The following NEK10 variants were observed in gnomAD, a reference collection of about 807,000 sequenced individuals.
NEK10 encodes serine/threonine-protein kinase Nek10.
NEK10 carries 122 observed loss-of-function variants against 159.8 expected under a neutral mutation model. The ratio of observed to expected loss-of-function variants is 0.76; its 90% CI spans 0.66 to 0.89. The LOEUF is 0.89. Among genes scored for constraint, NEK10 ranks in the 40% least tolerant of loss-of-function variants. The pLI, the probability that NEK10 is intolerant of heterozygous loss-of-function variation, is 0.00. For synonymous variants in NEK10, 466 were observed against 457.1 expected, an observed-to-expected ratio of 1.02 and a Z score of -0.25; for missense variants, 1,342 against 1,323.1, an observed-to-expected ratio of 1.01 and a Z score of -0.22.
At chr3:27,138,551 G>A (rs961668604) in intron 31 of NEK10, among the ~76,000 whole-genome samples, 7 of 152,050 alleles carry the variant, frequency 4.6e-5, no homozygotes, top group Non-Finnish European at 8.8e-5. Context: ...CCCCTCCCTA[G>A]TAGATAATAC....
chr3:27,112,332 T>A (rs1253684468), intron 35 of NEK10, among the ~76,000 whole-genome samples: 3 of 152,244 alleles, frequency 2.0e-5, no homozygotes, highest in Non-Finnish European at 4.4e-5. Flanking sequence ...TTATCTTGAA[T>A]TAATCCTTTA....
chr3:27,133,713 G>T (rs1458753586), intron 31 of NEK10, among the ~76,000 whole-genome samples: 1 of 152,254 alleles, frequency 6.6e-6, no homozygotes, highest in African/African-American at 2.4e-5. Flanking sequence ...GGTGGAGGTT[G>T]TGGTGAGCTG....
rs892777676 is a variant in NEK10 at position 27,109,181 on chromosome 3, C to A, written c.*2091G>T. ...ATCACCTGAGGTCAGGAGTTTGAGA[C>A]CAGCCTGGCCAACATGGTGTAACCC... On this transcript the variant is annotated 3_prime_UTR_variant, in exon 36 of 36. Coordinates refer to ENST00000691995, the MANE Select transcript of NEK10 (RefSeq NM_001394966.1). Among the ~76,000 whole-genome samples, 5 of 152,110 alleles carry A rather than the reference C, an allele frequency of 3.3e-5. No homozygotes were observed. Among genetic ancestry groups the A allele is most frequent in the African/African-American group, 4.8e-5 (2 of 41,434 alleles).
Position 27,311,111 on chromosome 3 carries a change from G to C in NEK10, c.569-95C>G, listed in dbSNP as rs1035536636. On this transcript the variant is annotated intron_variant, in intron 8 of 35. Transcript: ENST00000691995. ...TCTGCAGTGCATATGGGCAGGCAGAGAAAGGTCAAAGGGAACACAGCACAA... is the reference window on the plus strand; with the variant it reads ...TCTGCAGTGCATATGGGCAGGCAGACAAAGGTCAAAGGGAACACAGCACAA... The C allele has an allele frequency of 1.6e-5, 12 of 761,546 alleles. No homozygotes were observed. In the African/African-American group the frequency reaches 1.9e-4, roughly 12 times the overall value. The allele number at this position is 761,546 out of a possible 1,614,324, so 47.2% of individuals were successfully genotyped here.
chr3:27,336,793 A>G (rs1192191237), intron 5 of NEK10, among the ~76,000 whole-genome samples: 1 of 152,212 alleles, frequency 6.6e-6, no homozygotes, highest in Non-Finnish European at 1.5e-5. Context: ...GATAAAATCC[A>G]ATATCCTTCC....
At chr3:27,147,468 A>G (rs570031641) in intron 30 of NEK10, among the ~76,000 whole-genome samples, 1 of 152,356 alleles carries the variant, frequency 6.6e-6, no homozygotes, top group Non-Finnish European at 1.5e-5. Flanking sequence ...GAATGGCAGG[A>G]AGCTGAGTCA....
At chr3:27,227,617 T>C (rs1575351294) in intron 23 of NEK10, among the ~76,000 whole-genome samples, 1 of 152,076 alleles carries the variant, frequency 6.6e-6, no homozygotes, top group Non-Finnish European at 1.5e-5. Context: ...GCTGAAGGGG[T>C]ACAGGATAAA....
At chr3:27,298,533 G>T (rs531152424) in intron 13 of NEK10, among the ~76,000 whole-genome samples, 1 of 152,308 alleles carries the variant, frequency 6.6e-6, no homozygotes, top group Non-Finnish European at 1.5e-5. Context: ...GGTACCAGTA[G>T]AGTCGGGCTT....
At chr3:27,266,048 A>T (rs2040865505) in intron 22 of NEK10, among the ~76,000 whole-genome samples, 1 of 151,946 alleles carries the variant, frequency 6.6e-6, no homozygotes, top group Non-Finnish European at 1.5e-5. Flanking sequence ...CTCGTGATCC[A>T]CCTGCCTCGG....
chr3:27,233,895 G>A (rs1953601552), intron 23 of NEK10, among the ~76,000 whole-genome samples: 2 of 151,960 alleles, frequency 1.3e-5, no homozygotes, highest in Admixed American at 6.6e-5. Context: ...ACTGAATCCA[G>A]CACCACATCA....
chr3:27,344,601 A>G (rs2047423883), intron 4 of NEK10, among the ~76,000 whole-genome samples: 1 of 152,230 alleles, frequency 6.6e-6, no homozygotes, highest in Admixed American at 6.5e-5. Context: ...TTAAAAATAA[A>G]ATATAGTCAA....
In NEK10 at chr3:27,172,022, G is replaced by C. The variant is rs896598228; in HGVS notation, c.2777-149C>G. The C allele has an allele frequency of 3.3e-5, 29 of 888,836 alleles. 2 individuals are homozygous for C. Among genetic ancestry groups the C allele is most frequent in the South Asian group, 7.2e-5 (4 of 55,344 alleles). The allele number at this position is 888,836 out of a possible 1,614,324, so 55.1% of individuals were successfully genotyped here. ...ACACTGTTGGTGGGACTGTAAATTA[G>C]TGTAGCCATTATGGAAAACAGTATA... On this transcript the variant is annotated intron_variant, in intron 28 of 35. Transcript: ENST00000691995.
Position 27,256,285 on chromosome 3 carries a change from A to G in NEK10, c.2090+11T>C. On this transcript the variant is annotated intron_variant, in intron 23 of 35. Transcript: ENST00000691995. ...TATGATGTTTGAGAGCCATAAAAGA[A>G]TTGTCCTTACCAAGAATACAGGATT... The G allele has an allele frequency of 2.0e-5, 28 of 1,388,704 alleles. No individual in the cohort carries two copies. The highest frequency in any genetic ancestry group is 2.6e-5 in the Non-Finnish European group (27 of 1,026,678). 86.0% of individuals were successfully genotyped at this position (1,388,704 alleles called of 1,614,324 possible).
chr3:27,268,975 A>T (rs1245264278), intron 22 of NEK10, among the ~76,000 whole-genome samples: 2 of 152,228 alleles, frequency 1.3e-5, no homozygotes, highest in African/African-American at 4.8e-5. Context: ...CTTATGGATG[A>T]CTTTGAAGGG....
At chr3:27,150,419 G>C (rs181090241) in intron 30 of NEK10, among the ~76,000 whole-genome samples, 211 of 152,234 alleles carry the variant, frequency 1.4e-3, no homozygotes, top group Non-Finnish European at 2.3e-3. Flanking sequence ...GTAATCTTAG[G>C]TTGAAGCCAA....
intron 5 of NEK10, among the ~76,000 whole-genome samples, chr3:27,337,460 A>G (rs1329836199): frequency 1.5e-5 from 1 of 66,906 alleles, no homozygotes; most frequent in Non-Finnish European, 3.7e-5. Flanking sequence ...AAAAGAAATA[A>G]AATTCATATG....
intron 5 of NEK10, among the ~76,000 whole-genome samples, chr3:27,331,815 C>T (rs1317705142): frequency 6.6e-6 from 1 of 152,116 alleles, no homozygotes; most frequent in Admixed American, 6.5e-5. Context: ...TCTTATACAT[C>T]GTGGAAACAT....
At chr3:27,292,728 G>C (rs2043085292) in intron 16 of NEK10, among the ~76,000 whole-genome samples, 2 of 149,492 alleles carry the variant, frequency 1.3e-5, no homozygotes, top group Non-Finnish European at 3.0e-5. Flanking sequence ...CAGCTACTCA[G>C]GAGGCTGAGG....
intron 11 of NEK10, among the ~76,000 whole-genome samples, chr3:27,305,449 A>G (rs549447384): frequency 6.6e-6 from 1 of 152,076 alleles, no homozygotes; most frequent in African/African-American, 2.4e-5. Flanking sequence ...GCTTGAACCC[A>G]GGAGGCAGAG....
Sources: allele counts gnomAD v4.1 joint callset (sites outside exome capture counted in the v4.1 genomes callset), GRCh38; gene constraint gnomAD v4.1.1; transcripts MANE v1.5; gene names NCBI Gene and HGNC (gene_info 2026-07-23, HGNC 2026-07-21).